ZC3HC1: variants seen among roughly 807,000 people sequenced by gnomAD.
ZC3HC1 encodes zinc finger C3HC-type containing 1.
In ZC3HC1, 38 loss-of-function variants were observed where a neutral mutation model predicts 61.9. The ratio of observed to expected loss-of-function variants is 0.61; its 90% confidence interval spans 0.47 to 0.81. The LOEUF is 0.81. ZC3HC1 is among the 30% of genes least tolerant of loss of function. The pLI, the probability that ZC3HC1 is intolerant of heterozygous loss-of-function variation, is 0.00. For synonymous variants in ZC3HC1, 213 were observed against 229.9 expected (o/e 0.93, Z 0.67); for missense variants, 554 against 622.7 (o/e 0.89, Z 1.17).
chr7:130,032,715 A>AAGGAAGGG (rs1563079378), intron 4 of ZC3HC1, among the ~76,000 whole-genome samples: 1 of 89,712 alleles, frequency 1.1e-5, no homozygotes, highest in East Asian at 3.7e-4. Flanking sequence ...GGAAGGAAGG[A>AAGGAAGGG]AGGGAAGGAG....
At chr7:130,037,388 G>A (rs1303153412) in intron 4 of ZC3HC1, among the ~76,000 whole-genome samples, 2 of 152,178 alleles carry the variant, frequency 1.3e-5, no homozygotes, top group African/African-American at 2.4e-5. Context: ...AGGTTGCAGT[G>A]AGCCTAGACT....
At chr7:130,021,017 C>G (rs1023821408) in intron 9 of ZC3HC1, among the ~76,000 whole-genome samples, 36 of 152,204 alleles carry the variant, frequency 2.4e-4, no homozygotes, top group African/African-American at 8.7e-4. Flanking sequence ...CCAGCCTCAG[C>G]CTCCCCAATA....
chr7:130,050,479 G>A (rs945318522), intron 1 of ZC3HC1: 1 of 1,517,844 alleles, frequency 6.6e-7, no homozygotes, highest in Non-Finnish European at 8.8e-7. Flanking sequence ...AGCCTCAAGC[G>A]GGTGTGGTTC....
chr7:130,046,267 A>C (rs938827865), intron 2 of ZC3HC1, among the ~76,000 whole-genome samples: 5 of 152,156 alleles, frequency 3.3e-5, no homozygotes, highest in Non-Finnish European at 5.9e-5. Context: ...CCTATGTAAC[A>C]AACCCGCACA....
At position 130,023,863 on chromosome 7, in the gene ZC3HC1, G is replaced by A. The variant is rs144096941; in HGVS notation, c.1021-140C>T. The A allele has an allele frequency of 4.9e-4, 388 of 787,736 alleles. 1 individual carries two copies. The African/African-American group carries it at 5.4e-3, about 11-fold the overall frequency. 48.8% of individuals were successfully genotyped at this position (787,736 alleles called of 1,614,324 possible). A position where few individuals can be genotyped will look rare whatever the true frequency, so the allele number is the denominator to read the frequency against. On this transcript the variant is annotated intron_variant, in intron 7 of 9. Coordinates refer to ENST00000358303, the MANE Select transcript of ZC3HC1 (RefSeq NM_016478.5). The surrounding 1 kb of genome is among the most constrained non-coding windows in gnomAD (Gnocchi z 4.2). Reference sequence around the variant, plus strand: ...TGCCAAGGCTGGAGAGCAGTGAGGCGATCTTGGCTCATGGCAACCTCTGCC... The same window carrying A: ...TGCCAAGGCTGGAGAGCAGTGAGGCAATCTTGGCTCATGGCAACCTCTGCC...
In ZC3HC1 at chr7:130,018,443, T is replaced by C; in HGVS notation, c.*221A>G. 2 of 495,380 alleles carry C rather than the reference T, an allele frequency of 4.0e-6. No homozygotes were observed. Among genetic ancestry groups the C allele is most frequent in the Non-Finnish European group, 7.3e-6 (2 of 275,302 alleles). The allele number at this position is 495,380 out of a possible 1,614,324, so 30.7% of individuals were successfully genotyped here. A position where few individuals can be genotyped will look rare whatever the true frequency, so the allele number is the denominator to read the frequency against. ...ATCCCACACTCCTTTAACAGAACCA[T>C]GCTTGCTGCCCTTACCCTGTCCACA... On this transcript the variant is annotated 3_prime_UTR_variant, in exon 10 of 10. Coordinates refer to ENST00000358303, the MANE Select transcript of ZC3HC1 (RefSeq NM_016478.5).
intron 6 of ZC3HC1, 111 bp downstream of exon 6, chr7:130,026,046 CT>C (rs1563075726): frequency 7.5e-7 from 1 of 1,325,818 alleles, no homozygotes; most frequent in East Asian, 2.4e-5. Context: ...TTCTTTGTCT[CT>C]TTTTCTCACG....
chr7:130,030,610 C>T (rs907636133), intron 4 of ZC3HC1, among the ~76,000 whole-genome samples: 1 of 151,890 alleles, frequency 6.6e-6, no homozygotes. Flanking sequence ...GGAAGCCACT[C>T]GAGTCACTGG....
At chr7:130,043,585 A>C (rs1416878434) in intron 2 of ZC3HC1, 3 of 185,202 alleles carry the variant, frequency 1.6e-5, no homozygotes, top group Admixed American at 1.1e-4. Flanking sequence ...ATCAAAATCA[A>C]GATTTAATGC....
chr7:130,047,638 TAC>T (rs34052360), intron 2 of ZC3HC1, among the ~76,000 whole-genome samples: 32,449 of 137,926 alleles, frequency 0.24, 3,596 homozygotes, highest in South Asian at 0.3. Flanking sequence ...AGACTTTGTC[TAC>T]ACACACACAC....
rs769302080 is a variant in ZC3HC1 at position 130,051,293 on chromosome 7, G to T, written c.74C>A (p.Pro25Gln). 6.2e-7 allele frequency: 1 copy of T among 1,613,084 alleles called. No homozygotes were observed. Among genetic ancestry groups the T allele is most frequent in the South Asian group, 1.1e-5 (1 of 90,888 alleles). The change falls in exon 1 of 10, where the codon CCA becomes CAA. Residue 25 changes from proline (P) to glutamine (Q), a missense_variant. Pro to Gln is a moderately conservative substitution (Grantham distance 76). Transcript: ENST00000358303. ...EKNWGAVVRS[P>Q]EGTPQKIRQL... Reference sequence around the variant, plus strand: ...CCGGATTTTCTGGGGGGTCCCTTCTGGGGAGCGAACTACTGCACCCCAATT... The same window carrying T: ...CCGGATTTTCTGGGGGGTCCCTTCTTGGGAGCGAACTACTGCACCCCAATT...
intron 2 of ZC3HC1, chr7:130,045,593 G>C (rs1794830908): frequency 2.2e-6 from 1 of 452,448 alleles, no homozygotes; most frequent in Non-Finnish European, 4.5e-6. Flanking sequence ...CTCATTTGCT[G>C]CACTTTCCTT....
chr7:130,034,631 G>T (rs1447051048), intron 4 of ZC3HC1, among the ~76,000 whole-genome samples: 3 of 151,928 alleles, frequency 2.0e-5, no homozygotes, highest in East Asian at 1.9e-4. Context: ...AGTAGCTTAG[G>T]ATGACAGGGG....
At chr7:130,033,445 C>CTTTTTTTTTTTTTTT (rs3043729) in intron 4 of ZC3HC1, among the ~76,000 whole-genome samples, 1 of 82,852 alleles carries the variant, frequency 1.2e-5, no homozygotes, top group Non-Finnish European at 2.3e-5. Context: ...CTATAGCATT[C>CTTTTTTTTTTTTTTT]TTTTTTTTTT....
At chr7:130,041,814 A>C (rs1298387478) in intron 2 of ZC3HC1, among the ~76,000 whole-genome samples, 2 of 152,196 alleles carry the variant, frequency 1.3e-5, no homozygotes, top group Non-Finnish European at 2.9e-5. Flanking sequence ...GGCGTGAGCC[A>C]CTGTGCCCGG....
At chr7:130,040,836 A>T in intron 3 of ZC3HC1, 115 bp downstream of exon 3, 5 of 1,102,080 alleles carry the variant, frequency 4.5e-6, no homozygotes, top group Non-Finnish European at 6.5e-6. Flanking sequence ...TTAAAAAAAA[A>T]GATTGAAGTA....
intron 2 of ZC3HC1, among the ~76,000 whole-genome samples, chr7:130,041,431 T>C (rs1346308473): frequency 6.6e-6 from 1 of 151,850 alleles, no homozygotes; most frequent in East Asian, 1.9e-4. Context: ...TCAGATGATC[T>C]GCCCACCTTG....
chr7:130,039,266 C>T (rs1056684321), intron 4 of ZC3HC1, 198 bp downstream of exon 4: 16 of 556,762 alleles, frequency 2.9e-5, no homozygotes, highest in East Asian at 2.7e-4. Context: ...ATTGCTTGAA[C>T]GCGGGAGGCG....
intron 4 of ZC3HC1, among the ~76,000 whole-genome samples, chr7:130,035,218 C>T (rs760609317): frequency 1.3e-5 from 2 of 151,888 alleles, no homozygotes; most frequent in Non-Finnish European, 2.9e-5. Context: ...GGTGAAACCC[C>T]GTCTCTACTA....
Sources: allele counts gnomAD v4.1 joint callset (sites outside exome capture counted in the v4.1 genomes callset), GRCh38; gene constraint gnomAD v4.1.1; non-coding constraint Gnocchi (gnomAD v3.1); transcripts MANE v1.5; gene names NCBI Gene and HGNC (gene_info 2026-07-23, HGNC 2026-07-21).